The following SEC24A variants were observed in gnomAD, a reference collection of about 807,000 sequenced individuals.
SEC24A encodes SEC24 homolog A, COPII component.
Under a neutral mutation model 129.4 loss-of-function variants are expected in SEC24A, and 93 were observed. The observed-to-expected ratio is 0.72, with a 90% CI of 0.61 to 0.85. The LOEUF (loss-of-function observed/expected upper bound fraction) is 0.85. SEC24A is among the 40% of genes least tolerant of loss of function. The pLI, the probability that SEC24A is intolerant of heterozygous loss-of-function variation, is 0.00. For synonymous variants in SEC24A, 460 were observed against 467.3 expected (o/e 0.98, Z 0.20); for missense variants, 1,264 against 1,307.4 (o/e 0.97, Z 0.51).
chr5:134,711,665 C>T (rs1276081048), intron 18 of SEC24A, among the ~76,000 whole-genome samples: 2 of 148,706 alleles, frequency 1.3e-5, no homozygotes, highest in East Asian at 2.0e-4. Context: ...TGAGTAGCTG[C>T]GATTACAGGT....
At position 134,707,495 on chromosome 5, in the gene SEC24A, AATTTTTTGTATTTTTAGTAGAG is replaced by A. The variant is rs1257743691; in HGVS notation, c.2552-1216_2552-1195del. 3.2e-4 allele frequency among the ~76,000 whole-genome samples: 48 copies of A among 151,710 alleles called. 1 individual carries two copies. Among genetic ancestry groups the A allele is most frequent in the Non-Finnish European group, 4.0e-4 (27 of 67,894 alleles). The stretch of plus-strand genomic sequence containing the variant: ...CAGGCGCCCGCCATCACACCCGGCT[AATTTTTTGTATTTTTAGTAGAG>A]ACGGGGTTTCACCATGTTAGCCAGG... On this transcript the variant is annotated intron_variant, in intron 17 of 22. Coordinates refer to ENST00000398844, the MANE Select transcript of SEC24A (RefSeq NM_021982.3).
chr5:134,712,745 A>G (rs949907193), intron 18 of SEC24A, among the ~76,000 whole-genome samples: 11 of 151,146 alleles, frequency 7.3e-5, no homozygotes, highest in Non-Finnish European at 1.3e-4. Context: ...CAGCCTCCCA[A>G]GTAGCTGGGA....
At chr5:134,656,519 T>C (rs1372516372) in intron 1 of SEC24A, among the ~76,000 whole-genome samples, 1 of 152,098 alleles carries the variant, frequency 6.6e-6, no homozygotes, top group East Asian at 1.9e-4. Context: ...TCTTGCTCTG[T>C]CAACCAGGCT....
At chr5:134,712,926 A>ATTTTTTT (rs754704811) in intron 18 of SEC24A, among the ~76,000 whole-genome samples, 2 of 102,742 alleles carry the variant, frequency 1.9e-5, no homozygotes, top group African/African-American at 4.6e-5. Flanking sequence ...AAATATTTAA[A>ATTTTTTT]TTTTTTTTTT....
In SEC24A at chr5:134,727,771, C is replaced by T. The variant is rs1215289819; in HGVS notation, c.*2677C>T. The T allele has an allele frequency of 1.3e-5, 2 of 151,860 alleles. No individual in the cohort carries two copies. The highest frequency in any genetic ancestry group is 1.9e-4 in the East Asian group (1 of 5,172). The allele number at this position is 151,860 out of a possible 1,614,324, so 9.4% of individuals were successfully genotyped here. On this transcript the variant is annotated 3_prime_UTR_variant, in exon 23 of 23. Coordinates refer to ENST00000398844, the MANE Select transcript of SEC24A (RefSeq NM_021982.3). ...AAAGTTGGAGACAAGATTTGTCTTC[C>T]TTTTTACAGTTTGTAATTTTCACTG...
intron 3 of SEC24A, among the ~76,000 whole-genome samples, chr5:134,667,675 A>C (rs1357507416): frequency 1.3e-5 from 2 of 151,750 alleles, no homozygotes; most frequent in East Asian, 1.9e-4. Context: ...AAAACAAAAA[A>C]AAAAAAACAA....
In SEC24A at chr5:134,686,629, T is replaced by A. The variant is rs74801126; in HGVS notation, c.1492-161T>A. Among the ~76,000 whole-genome samples the A allele has an allele frequency of 7.5e-3, 1,140 of 152,326 alleles. 14 individuals are homozygous for A. The highest frequency in any genetic ancestry group is 0.026 in the African/African-American group (1,083 of 41,574). On this transcript the variant is annotated intron_variant, in intron 9 of 22. Transcript: ENST00000398844. ...ATCACAGACTCATTTTTCCTTTAAG[T>A]GTACATCTATAAACAATATAGTATA...
chr5:134,718,900 G>A (rs1190169229), intron 20 of SEC24A, among the ~76,000 whole-genome samples: 3 of 151,086 alleles, frequency 2.0e-5, no homozygotes, highest in Non-Finnish European at 2.9e-5. Flanking sequence ...AACCCAGGAG[G>A]CAGAGGTTGC....
chr5:134,697,850 G>A (rs1292849243), intron 14 of SEC24A, 49 bp from the exon 15 acceptor site: 1 of 1,550,534 alleles, frequency 6.4e-7, no homozygotes, highest in Non-Finnish European at 8.7e-7. Flanking sequence ...CTTTGGTGTA[G>A]TAGAAATAGT....
chr5:134,710,261 G>A (rs1369259264), intron 18 of SEC24A, among the ~76,000 whole-genome samples: 1 of 151,138 alleles, frequency 6.6e-6, no homozygotes, highest in East Asian at 1.9e-4. Flanking sequence ...GCCCAGGCTG[G>A]AGCGCAGTGG....
chr5:134,671,809 G>T lies in SEC24A; in HGVS notation c.740G>T (p.Gly247Val). ...PLFNSAVNQE[G>V]ITSNTNNGSM... ...TCTTGTTGATGAACTTCCTTCTTAG[G>T]TATTACATCAAATACCAATAACGGA... Residue 247 changes from glycine to valine, a missense_variant and splice_region_variant, in exon 4 of 23, where the codon GGT becomes GTT. Gly to Val is a moderately radical substitution (Grantham distance 109). Coordinates refer to ENST00000398844, the MANE Select transcript of SEC24A (RefSeq NM_021982.3). 6.4e-7 allele frequency: 1 copy of T among 1,571,122 alleles called. No homozygotes were observed. Among genetic ancestry groups the T allele is most frequent in the Non-Finnish European group, 8.7e-7 (1 of 1,154,172 alleles).
intron 4 of SEC24A, 117 bp downstream of exon 4, chr5:134,672,003 T>G: frequency 1.5e-6 from 1 of 650,274 alleles, no homozygotes; most frequent in Middle Eastern, 3.1e-4. Context: ...CATGTAGCCA[T>G]ACATACTATT....
chr5:134,705,306 G>A (rs774015884), intron 16 of SEC24A, 21 bp from the exon 17 acceptor site: 1 of 1,571,434 alleles, frequency 6.4e-7, no homozygotes, highest in Non-Finnish European at 8.8e-7. Context: ...CCTCACTGTT[G>A]TTTGTGTATT....
At chr5:134,675,994 AC>A in intron 6 of SEC24A, 28 bp from the exon 7 acceptor site, 1 of 1,460,146 alleles carries the variant, frequency 6.8e-7, no homozygotes, top group Non-Finnish European at 9.4e-7. Context: ...CATAGCAGCA[AC>A]TGATACATAC....
At chr5:134,685,172 C>A (rs1237259136) in intron 9 of SEC24A, among the ~76,000 whole-genome samples, 1 of 151,932 alleles carries the variant, frequency 6.6e-6, no homozygotes, top group African/African-American at 2.4e-5. Flanking sequence ...CAGTTCGAGA[C>A]CAGCCTGGGC....
chr5:134,703,618 C>G (rs1251432712), intron 15 of SEC24A, 141 bp from the exon 16 acceptor site: 1 of 598,184 alleles, frequency 1.7e-6, no homozygotes, highest in Non-Finnish European at 2.9e-6. Flanking sequence ...CAAAAGCCAT[C>G]TGTTATTCCT....
chr5:134,700,553 A>G (rs1018697015), intron 15 of SEC24A, among the ~76,000 whole-genome samples: 1 of 151,076 alleles, frequency 6.6e-6, no homozygotes, highest in Non-Finnish European at 1.5e-5. Flanking sequence ...AATTATTTAT[A>G]TGAAATCTAT....
rs199640839 is a variant in SEC24A, at chr5:134,682,395, C to T, written c.1404C>T (p.Asn468=). The T allele has an allele frequency of 1.4e-4, 228 of 1,597,084 alleles. No homozygotes were observed. The highest frequency in any genetic ancestry group is 1.3e-3 in the Middle Eastern group (8 of 6,028). Residue 468 remains asparagine, a synonymous_variant, in exon 9 of 23, where the codon AAC becomes AAT. Coordinates refer to ENST00000398844, the MANE Select transcript of SEC24A (RefSeq NM_021982.3). ...VNDVPEEFLY[N]PLTRVYGEPH... is the part of the protein sequence containing the mutation. ...TAGTTCCTGAAGAATTCTTGTACAA[C>T]CCTTTGACCAGAGTTTATGGAGAAC...
chr5:134,717,099 A>C (rs1752498334), intron 19 of SEC24A, among the ~76,000 whole-genome samples: 1 of 151,662 alleles, frequency 6.6e-6, no homozygotes, highest in Non-Finnish European at 1.5e-5. Flanking sequence ...GGCTGGTTTC[A>C]AATTCCTAAC....
Sources: allele counts gnomAD v4.1 joint callset (sites outside exome capture counted in the v4.1 genomes callset), GRCh38; gene constraint gnomAD v4.1.1; transcripts MANE v1.5; gene names NCBI Gene and HGNC (gene_info 2026-07-23, HGNC 2026-07-21).